The following UBA6 variants were observed in gnomAD, a reference collection of about 807,000 sequenced individuals.
UBA6 encodes ubiquitin like modifier activating enzyme 6.
In UBA6, 87 loss-of-function variants were observed where a neutral mutation model predicts 148.3. The ratio of observed to expected loss-of-function variants is 0.59; its 90% CI spans 0.49 to 0.70. UBA6 has a LOEUF of 0.70. Among genes scored for constraint, UBA6 ranks in the 30% least tolerant of loss-of-function variants. The pLI, the probability that UBA6 is intolerant of heterozygous loss-of-function variation, is 0.00. For synonymous variants in UBA6, 376 were observed against 401.0 expected, an observed-to-expected ratio of 0.94 and a Z score of 0.75; for missense variants, 1,186 against 1,241.2, an observed-to-expected ratio of 0.96 and a Z score of 0.67.
intron 17 of UBA6, among the ~76,000 whole-genome samples, 186 bp downstream of exon 17, chr4:67,644,512 G>A (rs1316466793): frequency 6.6e-6 from 1 of 152,170 alleles, no homozygotes; most frequent in Non-Finnish European, 1.5e-5. Context: ...AAGGGGAAGA[G>A]AAGTAATTTG....
intron 2 of UBA6, among the ~76,000 whole-genome samples, chr4:67,694,286 T>TA (rs759672011): frequency 0.035 from 4,430 of 124,862 alleles, 147 homozygotes; most frequent in East Asian, 0.12. Flanking sequence ...TCAGTCACTA[T>TA]AAAAAAAAAA....
Position 67,678,185 on chromosome 4 carries a change from AT to A in UBA6, c.353+253del, listed in dbSNP as rs112206575. Among the ~76,000 whole-genome samples, 401 of 133,768 alleles carry A rather than the reference AT, an allele frequency of 3.0e-3. 3 individuals are homozygous for A. Among genetic ancestry groups the A allele is most frequent in the African/African-American group, 0.01 (389 of 37,514 alleles). 87.8% of individuals were successfully genotyped at this position (133,768 alleles called of 152,430 possible). A position where few individuals can be genotyped will look rare whatever the true frequency, so the allele number is the denominator to read the frequency against. On this transcript the variant is annotated intron_variant, in intron 5 of 32. Coordinates refer to ENST00000322244, the MANE Select transcript of UBA6 (RefSeq NM_018227.6). Reference sequence around the variant, plus strand: ...TACAAATAATTAAGTATATATCAATATTTATTTAGCCACAGTAGTAGGAATT... The same window carrying A: ...TACAAATAATTAAGTATATATCAATATTATTTAGCCACAGTAGTAGGAATT...
intron 29 of UBA6, 126 bp from the exon 30 acceptor site, chr4:67,624,379 T>C (rs4860854): frequency 0.046 from 35,363 of 774,696 alleles, 1,047 homozygotes; most frequent in Non-Finnish European, 0.058. Flanking sequence ...TATGGGACTA[T>C]AGTAATATAA....
chr4:67,633,241 T>A, intron 23 of UBA6, 104 bp downstream of exon 23: 4 of 1,037,318 alleles, frequency 3.9e-6, no homozygotes, highest in Non-Finnish European at 5.3e-6. Context: ...CTGAAAAGCT[T>A]GCCAAAAGAA....
Position 67,672,651 on chromosome 4 carries a change from C to G in UBA6, c.546+1046G>C, listed in dbSNP as rs943637674. Among the ~76,000 whole-genome samples, 7 of 152,156 alleles carry G rather than the reference C, an allele frequency of 4.6e-5. No individual in the cohort carries two copies. The South Asian group carries it at 1.4e-3, about 32-fold the overall frequency. On this transcript the variant is annotated intron_variant, in intron 7 of 32. Transcript: ENST00000322244. ...AATCTTCTGGTATATTTTATTCCTACTATCCTCTCCTCTTTACCACTCTAT... is the reference window on the plus strand; with the variant it reads ...AATCTTCTGGTATATTTTATTCCTAGTATCCTCTCCTCTTTACCACTCTAT...
chr4:67,628,561 T>C (rs1728924226), intron 27 of UBA6, among the ~76,000 whole-genome samples: 1 of 151,904 alleles, frequency 6.6e-6, no homozygotes, highest in Non-Finnish European at 1.5e-5. Flanking sequence ...TTTTCCTTCT[T>C]AGCACTTACA....
chr4:67,624,926 T>C (rs974342702), intron 29 of UBA6, 68 bp downstream of exon 29: 9 of 1,300,714 alleles, frequency 6.9e-6, no homozygotes, highest in Non-Finnish European at 9.7e-6. Flanking sequence ...ACTGGGTTGG[T>C]ATGACGGGGA....
chr4:67,656,195 A>G (rs1394759176), intron 13 of UBA6, among the ~76,000 whole-genome samples: 2 of 152,216 alleles, frequency 1.3e-5, no homozygotes, highest in Non-Finnish European at 2.9e-5. Context: ...TTATGAGGCC[A>G]GCATCCCCTG....
At chr4:67,693,817 G>C (rs1237212601) in intron 2 of UBA6, among the ~76,000 whole-genome samples, 1 of 152,014 alleles carries the variant, frequency 6.6e-6, no homozygotes, top group Middle Eastern at 3.2e-3. Flanking sequence ...GAGATATTAA[G>C]AGGCTAAGGA....
intron 10 of UBA6, among the ~76,000 whole-genome samples, chr4:67,664,464 T>C (rs1293762213): frequency 6.6e-6 from 1 of 151,962 alleles, no homozygotes; most frequent in African/African-American, 2.4e-5. Context: ...AACTTTGGGT[T>C]GAACAAAGCC....
intron 17 of UBA6, among the ~76,000 whole-genome samples, chr4:67,643,222 A>G (rs775863235): frequency 6.6e-6 from 1 of 151,876 alleles, no homozygotes; most frequent in African/African-American, 2.4e-5. Context: ...ATAAAATTAA[A>G]AAAAATTCTA....
chr4:67,617,507 G>C lies in UBA6; in HGVS notation c.*1490C>G, dbSNP rs1728654317. On this transcript the variant is annotated 3_prime_UTR_variant, in exon 33 of 33. Transcript: ENST00000322244. Reference sequence around the variant, plus strand: ...ACTTTTGCCCACTTCCCCATGTACAGATTATCCTTTAGTCATACAAATTCA... The same window carrying C: ...ACTTTTGCCCACTTCCCCATGTACACATTATCCTTTAGTCATACAAATTCA... The C allele has an allele frequency of 6.6e-6, 1 of 152,000 alleles. No individual in the cohort carries two copies. The highest frequency in any genetic ancestry group is 2.4e-5 in the African/African-American group (1 of 41,414). The allele number at this position is 152,000 out of a possible 1,614,324, so 9.4% of individuals were successfully genotyped here. A position where few individuals can be genotyped will look rare whatever the true frequency, so the allele number is the denominator to read the frequency against.
At chr4:67,695,988 ATACTT>A (rs1422022964) in intron 2 of UBA6, among the ~76,000 whole-genome samples, 5 of 152,200 alleles carry the variant, frequency 3.3e-5, no homozygotes, top group Admixed American at 2.0e-4. Context: ...CAATCATACA[ATACTT>A]TAATTACTAA....
Position 67,614,632 on chromosome 4 carries a change from T to A in UBA6, c.*4365A>T, listed in dbSNP as rs1421620181. 1.3e-5 allele frequency: 2 copies of A among 152,148 alleles called. No individual in the cohort carries two copies. Among genetic ancestry groups the A allele is most frequent in the African/African-American group, 4.8e-5 (2 of 41,436 alleles). The allele number at this position is 152,148 out of a possible 1,614,324, so 9.4% of individuals were successfully genotyped here. On this transcript the variant is annotated 3_prime_UTR_variant, in exon 33 of 33. Transcript: ENST00000322244. The stretch of plus-strand genomic sequence containing the variant: ...ACTAAAGCTTTAAGAAGACGATATA[T>A]AAGACTATCTTCATGACTCCAGGGT...
chr4:67,660,892 C>T (rs1440381277), intron 13 of UBA6, among the ~76,000 whole-genome samples: 2 of 152,220 alleles, frequency 1.3e-5, no homozygotes, highest in African/African-American at 4.8e-5. Flanking sequence ...GAACCCACCT[C>T]TTGCATCAGC....
chr4:67,672,582 G>A (rs529078113), intron 7 of UBA6, among the ~76,000 whole-genome samples: 3 of 152,224 alleles, frequency 2.0e-5, no homozygotes, highest in Admixed American at 1.3e-4. Context: ...AAATGTCTTC[G>A]AAGATCTTGT....
rs1346071417 is a variant in UBA6, at chr4:67,701,072, G to A, written c.48C>T (p.Ser16=). The A allele has an allele frequency of 1.2e-6, 2 of 1,613,696 alleles. No homozygotes were observed. The highest frequency in any genetic ancestry group is 1.7e-5 in the Admixed American group (1 of 59,998). The change falls in exon 1 of 33, where the codon TCC becomes TCT. Residue 16 remains serine, a synonymous_variant. Transcript: ENST00000322244. ...PVAAHQGEEA[S]CSSWGTGSTN... is the part of the protein sequence containing the mutation. Reference sequence around the variant, plus strand: ...ACCTGCCAGTCCCCCAGGAAGAACAGGACGCCTCTTCCCCCTGATGGGCGG... The same window carrying A: ...ACCTGCCAGTCCCCCAGGAAGAACAAGACGCCTCTTCCCCCTGATGGGCGG...
At chr4:67,663,811 T>C in intron 11 of UBA6, 74 bp downstream of exon 11, 1 of 1,304,002 alleles carries the variant, frequency 7.7e-7, no homozygotes, top group Non-Finnish European at 1.1e-6. Flanking sequence ...TATTCCATTT[T>C]AACTTCATAA....
At chr4:67,630,399 T>C in intron 26 of UBA6, 67 bp downstream of exon 26, 1 of 944,442 alleles carries the variant, frequency 1.1e-6, no homozygotes. Context: ...TTGATGCAAT[T>C]AGTGCATCAG....
Sources: allele counts gnomAD v4.1 joint callset (sites outside exome capture counted in the v4.1 genomes callset), GRCh38; gene constraint gnomAD v4.1.1; transcripts MANE v1.5; gene names NCBI Gene and HGNC (gene_info 2026-07-23, HGNC 2026-07-21).